ERO1B: variants seen among roughly 807,000 people sequenced by gnomAD.
ERO1B encodes ERO1-like protein beta.
In ERO1B, 49 loss-of-function variants were observed where a neutral mutation model predicts 75.3. The observed-to-expected ratio is 0.65, with a 90% CI of 0.52 to 0.83. The LOEUF (loss-of-function observed/expected upper bound fraction) is 0.83, where lower values mean the gene tolerates loss of function less well. Ranked by LOEUF, ERO1B falls within the 40% of genes least tolerant of loss-of-function variation. The pLI, the probability that ERO1B is intolerant of heterozygous loss-of-function variation, is 0.00. For missense variants in ERO1B, 512 were observed against 560.1 expected (o/e 0.91, Z 0.87); for synonymous variants, 191 against 192.9 (o/e 0.99, Z 0.08).
rs1664119146 is a variant in ERO1B, at chr1:236,220,772, T to C, written c.1343+60A>G. The C allele has an allele frequency of 1.5e-5, 21 of 1,447,410 alleles. No homozygotes were observed. The South Asian group carries it at 3.2e-4, about 22-fold the overall frequency. 89.7% of individuals were successfully genotyped at this position (1,447,410 alleles called of 1,614,324 possible). On this transcript the variant is annotated intron_variant, in intron 15 of 15. Transcript: ENST00000354619. ...CCTACTTTTAGCAAAGAAGATTATC[T>C]TTGCAGTTTGTTGAAACCCAATGGG...
Position 236,226,739 on chromosome 1 carries a change from C to T in ERO1B, c.713G>A (p.Gly238Asp), listed in dbSNP as rs1201021046. The change falls in exon 11 of 16, where the codon GGT (glycine) becomes GAT (aspartate). Residue 238 changes from glycine (G) to aspartate (D), a missense_variant and splice_region_variant. By Grantham distance (94) the Gly-to-Asp change is moderately conservative. Transcript: ENST00000354619. ...DGESFYTWLE[G>D]LCLEKRVFYK... The stretch of plus-strand genomic sequence containing the variant: ...GAAGACTCTTTTCTCCAGACACAAA[C>T]CTATTCAGAAAAATATTGAAAAAGA... 3 of 1,599,746 alleles carry T rather than the reference C, an allele frequency of 1.9e-6. No individual in the cohort carries two copies. The highest frequency in any genetic ancestry group is 2.3e-5 in the South Asian group (2 of 87,504).
intron 2 of ERO1B, among the ~76,000 whole-genome samples, chr1:236,254,770 G>A (rs994910414): frequency 6.6e-6 from 1 of 151,128 alleles, no homozygotes. Flanking sequence ...CCACCACCAC[G>A]CCTGGCTAAT....
intron 13 of ERO1B, 123 bp from the exon 14 acceptor site, chr1:236,222,133 G>A: frequency 1.2e-6 from 1 of 801,654 alleles, no homozygotes; most frequent in Non-Finnish European, 2.0e-6. Flanking sequence ...TGTTTGAGAA[G>A]GAGTTTTGCT....
At chr1:236,271,412 A>G (rs1665585775) in intron 1 of ERO1B, among the ~76,000 whole-genome samples, 1 of 152,130 alleles carries the variant, frequency 6.6e-6, no homozygotes, top group African/African-American at 2.4e-5. Context: ...AATGATCATT[A>G]CCAAGAATTT....
chr1:236,223,766 A>G (rs1175241527), intron 13 of ERO1B, among the ~76,000 whole-genome samples: 5 of 152,224 alleles, frequency 3.3e-5, no homozygotes, highest in Non-Finnish European at 5.9e-5. Flanking sequence ...AGTAGAACAT[A>G]TGTGTTGATA....
chr1:236,235,937 T>G lies in ERO1B; in HGVS notation c.627-102A>C. 3 of 1,039,390 alleles carry G rather than the reference T, an allele frequency of 2.9e-6. No individual in the cohort carries two copies. The Admixed American group carries it at 7.7e-5, about 27-fold the overall frequency. The allele number at this position is 1,039,390 out of a possible 1,614,324, so 64.4% of individuals were successfully genotyped here. A position where few individuals can be genotyped will look rare whatever the true frequency, so the allele number is the denominator to read the frequency against. ...AATACTCCCCTCCCCACCCTCTTTT[T>G]TTTTTGAGACAGAGTTTCACTTAGT... On this transcript the variant is annotated intron_variant, in intron 7 of 15. Transcript: ENST00000354619.
intron 1 of ERO1B, among the ~76,000 whole-genome samples, chr1:236,271,391 A>G (rs1665585536): frequency 1.3e-5 from 2 of 152,180 alleles, no homozygotes; most frequent in African/African-American, 2.4e-5. Context: ...GGGCTATATT[A>G]TCTTGAGATA....
intron 6 of ERO1B, among the ~76,000 whole-genome samples, chr1:236,237,901 G>C (rs1664581918): frequency 6.6e-6 from 1 of 152,140 alleles, no homozygotes; most frequent in East Asian, 1.9e-4. Context: ...AGTGCAGTGT[G>C]AGATCTCAAC....
intron 1 of ERO1B, among the ~76,000 whole-genome samples, chr1:236,280,184 GA>G (rs371098885): frequency 9.0e-4 from 137 of 152,180 alleles, no homozygotes; most frequent in African/African-American, 2.9e-3. Flanking sequence ...AGTGGTAAAT[GA>G]AAAAAATTTA....
At chr1:236,255,732 AAAC>A (rs1210601790) in intron 2 of ERO1B, among the ~76,000 whole-genome samples, 3 of 152,132 alleles carry the variant, frequency 2.0e-5, no homozygotes, top group Non-Finnish European at 4.4e-5. Context: ...AAGAACCTTA[AAAC>A]AGCATGGCAC....
intron 6 of ERO1B, among the ~76,000 whole-genome samples, chr1:236,238,956 T>C (rs2102947560): frequency 6.6e-6 from 1 of 152,234 alleles, no homozygotes; most frequent in South Asian, 2.1e-4. Context: ...AGGTTTTTCA[T>C]TGTTCTTTTT....
At position 236,281,055 on chromosome 1, in the gene ERO1B, C is replaced by G. The variant is rs561321663; in HGVS notation, c.102+627G>C. ...ACGAGCCACAACGCCCCACTCAGAC[C>G]CCCCCAGTCTCGTATTGGGACTTAC... On this transcript the variant is annotated intron_variant, in intron 1 of 15. Coordinates refer to ENST00000354619, the MANE Select transcript of ERO1B (RefSeq NM_019891.4). Among the ~76,000 whole-genome samples the G allele has an allele frequency of 2.6e-5, 4 of 152,278 alleles. No individual in the cohort carries two copies. In the East Asian group the frequency reaches 7.7e-4, roughly 29 times the overall value.
chr1:236,271,181 C>A (rs1665580424), intron 1 of ERO1B, among the ~76,000 whole-genome samples: 1 of 152,048 alleles, frequency 6.6e-6, no homozygotes, highest in African/African-American at 2.4e-5. Flanking sequence ...TTTCTTGCAA[C>A]TCCATATGAA....
chr1:236,259,346 A>G (rs1034786113), intron 2 of ERO1B, among the ~76,000 whole-genome samples: 13 of 152,226 alleles, frequency 8.5e-5, no homozygotes. Context: ...CAGATTAACA[A>G]AAAAAGCAAT....
In ERO1B at chr1:236,252,045, C is replaced by A; in HGVS notation, c.348+5G>T. 1 of 1,590,860 alleles carries A rather than the reference C, an allele frequency of 6.3e-7. No homozygotes were observed. The highest frequency in any genetic ancestry group is 2.3e-5 in the East Asian group (1 of 44,014). On this transcript the variant is annotated splice_donor_5th_base_variant and intron_variant, in intron 4 of 15. Coordinates refer to ENST00000354619, the MANE Select transcript of ERO1B (RefSeq NM_019891.4). ...AGAAACACTCAAGGAAGAGGAGGGA[C>A]TTACCTTATTAGAATGCCCAGCTTT...
At chr1:236,227,959 T>C (rs930984197) in intron 10 of ERO1B, among the ~76,000 whole-genome samples, 1 of 152,216 alleles carries the variant, frequency 6.6e-6, no homozygotes, top group African/African-American at 2.4e-5. Context: ...TAACAATGGA[T>C]ACAAACAATA....
chr1:236,220,709 G>A (rs73124997), intron 15 of ERO1B, 123 bp downstream of exon 15: 77 of 1,000,330 alleles, frequency 7.7e-5, no homozygotes, highest in Non-Finnish European at 9.6e-5. Context: ...AGTTAGTACA[G>A]ATACAATATA....
At position 236,220,868 on chromosome 1, in the gene ERO1B, C is replaced by A; in HGVS notation, c.1307G>T (p.Arg436Leu). Residue 436 changes from arginine to leucine, a missense_variant, in exon 15 of 16, where the codon CGA becomes CTA. Coordinates refer to ENST00000354619, the MANE Select transcript of ERO1B (RefSeq NM_019891.4). The stretch of plus-strand genomic sequence containing the variant: ...ATTTAAAAGAGCAACTATTTCCTGT[C>A]GGGTGAGTTGGAAGCCTTTAGATGG... ...NSPSKGFQLT[R>L]QEIVALLNAF... 5 of 1,588,532 alleles carry A rather than the reference C, an allele frequency of 3.1e-6. No homozygotes were observed. The highest frequency in any genetic ancestry group is 4.3e-6 in the Non-Finnish European group (5 of 1,169,382).
At chr1:236,243,798 A>G (rs1664771173) in intron 5 of ERO1B, among the ~76,000 whole-genome samples, 1 of 152,168 alleles carries the variant, frequency 6.6e-6, no homozygotes, top group South Asian at 2.1e-4. Flanking sequence ...TAAACACAAA[A>G]CTCAAGCTAA....
Sources: gnomAD v4.1 joint callset for allele counts (sites outside exome capture counted in the v4.1 genomes callset) on GRCh38, gnomAD v4.1.1 for gene constraint, MANE v1.5 for transcripts, NCBI Gene and HGNC (gene_info 2026-07-23, HGNC 2026-07-21) for gene names.